EBF3: variants seen among roughly 807,000 people sequenced by gnomAD.
The protein encoded by EBF3 is EBF transcription factor 3.
In EBF3, 18 loss-of-function variants were observed where a neutral mutation model predicts 77.1. That is an observed-to-expected ratio of 0.23 (90% CI 0.16 to 0.35). EBF3 has a LOEUF of 0.35. EBF3 is among the 10% of genes least tolerant of loss of function. The probability of loss-of-function intolerance (pLI) is 1.00; values close to 1 mark genes in which losing one functional copy is unlikely to be tolerated. For missense variants in EBF3, 558 were observed against 860.0 expected (o/e 0.65, Z 4.39); for synonymous variants, 350 against 343.5 (o/e 1.02, Z -0.21).
In EBF3 at chr10:129,938,056, C is replaced by T. The variant is rs1282897269; in HGVS notation, c.554+19202G>A. On this transcript the variant is annotated intron_variant, in intron 6 of 16. Transcript: ENST00000440978. The surrounding 1 kb of genome is among the most constrained non-coding windows in gnomAD (Gnocchi z 5.1). ...GGCATGTTCATTGACATCACATACA[C>T]AATCATACTCCACAACCACGCAAAC... Among the ~76,000 whole-genome samples the T allele has an allele frequency of 6.6e-6, 1 of 152,188 alleles. No individual in the cohort carries two copies. The highest frequency in any genetic ancestry group is 2.4e-5 in the African/African-American group (1 of 41,438).
chr10:129,854,722 G>A (rs1354331963), intron 10 of EBF3, among the ~76,000 whole-genome samples: 1 of 152,248 alleles, frequency 6.6e-6, no homozygotes, highest in East Asian at 1.9e-4. Context: ...TTCAAGATGA[G>A]TTGTGTTTTC....
At chr10:129,955,287 A>G (rs1311885193) in intron 6 of EBF3, among the ~76,000 whole-genome samples, 2 of 152,246 alleles carry the variant, frequency 1.3e-5, no homozygotes, top group Non-Finnish European at 2.9e-5. Context: ...TAAAATTGTC[A>G]TATCTTTGAA....
intron 6 of EBF3, among the ~76,000 whole-genome samples, chr10:129,893,808 G>A (rs1427932200): frequency 2.6e-5 from 4 of 152,286 alleles, no homozygotes; most frequent in East Asian, 1.9e-4. Context: ...AGTCTGACTC[G>A]GAACGTCTGC....
intron 10 of EBF3, among the ~76,000 whole-genome samples, chr10:129,854,854 G>T (rs936166241): frequency 2.6e-5 from 4 of 152,250 alleles, no homozygotes; most frequent in Non-Finnish European, 5.9e-5. Flanking sequence ...AAGCACAAAG[G>T]CCTTGCAGCC....
chr10:129,912,006 G>A (rs1334829434), intron 6 of EBF3, among the ~76,000 whole-genome samples: 4 of 152,136 alleles, frequency 2.6e-5, no homozygotes, highest in Non-Finnish European at 4.4e-5. Context: ...CAAACTCAAC[G>A]CCCGGGTGTG....
At position 129,889,245 on chromosome 10, in the gene EBF3, G is replaced by A. The variant is rs549689654; in HGVS notation, c.555-11396C>T. Among the ~76,000 whole-genome samples the A allele has an allele frequency of 3.9e-5, 6 of 152,358 alleles. 1 individual carries two copies. Among genetic ancestry groups the A allele is most frequent in the African/African-American group, 1.4e-4 (6 of 41,584 alleles). Reference sequence around the variant, plus strand: ...CCTCCATGTCACTGCCCTCCCGCTGGGGCAGGGTCTACAGAGAGCATGGGG... The same window carrying A: ...CCTCCATGTCACTGCCCTCCCGCTGAGGCAGGGTCTACAGAGAGCATGGGG... On this transcript the variant is annotated intron_variant, in intron 6 of 16. Transcript: ENST00000440978.
intron 6 of EBF3, among the ~76,000 whole-genome samples, chr10:129,907,236 G>A (rs1367155428): frequency 1.3e-5 from 2 of 152,182 alleles, no homozygotes; most frequent in Admixed American, 6.5e-5. Context: ...ACCACCAATC[G>A]GGAGACCCTG....
intron 6 of EBF3, among the ~76,000 whole-genome samples, chr10:129,880,452 C>A (rs1853123595): frequency 6.6e-6 from 1 of 152,186 alleles, no homozygotes; most frequent in Admixed American, 6.5e-5. Flanking sequence ...CATACACATA[C>A]ACATGCAGAC....
At chr10:129,860,259 C>A (rs1384364076) in intron 10 of EBF3, among the ~76,000 whole-genome samples, 1 of 152,000 alleles carries the variant, frequency 6.6e-6, no homozygotes, top group Non-Finnish European at 1.5e-5. Context: ...CTCCTCCCTG[C>A]AGCACCGAGA....
chr10:129,961,491 G>A (rs1023510524), intron 4 of EBF3, among the ~76,000 whole-genome samples: 1 of 152,204 alleles, frequency 6.6e-6, no homozygotes, highest in Non-Finnish European at 1.5e-5. Flanking sequence ...CATCGGAAAA[G>A]TTGACCAAGA....
chr10:129,915,099 G>A (rs1483777044), intron 6 of EBF3, among the ~76,000 whole-genome samples: 1 of 152,200 alleles, frequency 6.6e-6, no homozygotes, highest in African/African-American at 2.4e-5. Flanking sequence ...ATCCACTGGG[G>A]CAGTTTCAGC....
rs1174334863 is a variant in EBF3, at chr10:129,857,646, G to C, written c.1040-9166C>G. On this transcript the variant is annotated intron_variant, in intron 10 of 16. Coordinates refer to ENST00000440978, the MANE Select transcript of EBF3 (RefSeq NM_001375380.1). Reference sequence around the variant, plus strand: ...CGCAAGACCTCAAGTCAGTGTGATAGCAAATGTGGCTTCTGCACCAGACAC... The same window carrying C: ...CGCAAGACCTCAAGTCAGTGTGATACCAAATGTGGCTTCTGCACCAGACAC... Among the ~76,000 whole-genome samples, 13 of 152,216 alleles carry C rather than the reference G, an allele frequency of 8.5e-5. 1 individual carries two copies. The highest frequency in any genetic ancestry group is 8.5e-4 in the Admixed American group (13 of 15,282).
intron 14 of EBF3, among the ~76,000 whole-genome samples, 165 bp downstream of exon 14, chr10:129,840,679 C>A (rs1467329614): frequency 6.6e-6 from 1 of 152,170 alleles, no homozygotes; most frequent in Non-Finnish European, 1.5e-5. Context: ...TCACATCGGG[C>A]CCGTTTTGGG....
At chr10:129,869,898 A>T (rs1852292973) in intron 8 of EBF3, among the ~76,000 whole-genome samples, 1 of 152,174 alleles carries the variant, frequency 6.6e-6, no homozygotes, top group South Asian at 2.1e-4. Flanking sequence ...AATTGCATGG[A>T]GAGCATTTGA....
Position 129,841,844 on chromosome 10 carries a change from T to C in EBF3, c.1372+272A>G, listed in dbSNP as rs1850083030. Among the ~76,000 whole-genome samples the C allele has an allele frequency of 6.6e-6, 1 of 152,090 alleles. No individual in the cohort carries two copies. Among genetic ancestry groups the C allele is most frequent in the Non-Finnish European group, 1.5e-5 (1 of 68,016 alleles). On this transcript the variant is annotated intron_variant, in intron 13 of 16. Transcript: ENST00000440978. The surrounding 1 kb of genome is among the most constrained non-coding windows in gnomAD (Gnocchi z 4.6). The stretch of plus-strand genomic sequence containing the variant: ...AAAGCAAAGTCTCTTATGAACACAT[T>C]GAGGGAAACTTCTAGCAAATACCAG...
At chr10:129,844,317 TAAGG>T (rs1850300176) in intron 11 of EBF3, among the ~76,000 whole-genome samples, 1 of 152,198 alleles carries the variant, frequency 6.6e-6, no homozygotes, top group Non-Finnish European at 1.5e-5. Context: ...GGACAAAAAG[TAAGG>T]CAGGTGGCCT....
intron 6 of EBF3, among the ~76,000 whole-genome samples, chr10:129,939,294 C>T (rs908625967): frequency 1.3e-5 from 2 of 152,188 alleles, no homozygotes; most frequent in African/African-American, 4.8e-5. Context: ...CAAAAGTATC[C>T]TGCCACTTCT....
chr10:129,849,657 C>A (rs965031528), intron 10 of EBF3, among the ~76,000 whole-genome samples: 1 of 152,182 alleles, frequency 6.6e-6, no homozygotes, highest in Non-Finnish European at 1.5e-5. Flanking sequence ...CAATAATGCG[C>A]CCGAAAGTTG....
intron 6 of EBF3, among the ~76,000 whole-genome samples, chr10:129,913,167 G>T (rs1369917132): frequency 1.2e-4 from 18 of 152,232 alleles, no homozygotes; most frequent in Non-Finnish European, 1.5e-5. Flanking sequence ...GATTAGAAGG[G>T]CCTTGTTAGG....
Sources: gnomAD v4.1 joint callset for allele counts (sites outside exome capture counted in the v4.1 genomes callset) on GRCh38, gnomAD v4.1.1 for gene constraint, Gnocchi (gnomAD v3.1) non-coding constraint, MANE v1.5 for transcripts, NCBI Gene and HGNC (gene_info 2026-07-23, HGNC 2026-07-21) for gene names.